ADAM22: variants seen among roughly 807,000 people sequenced by gnomAD.
ADAM22 encodes ADAM metallopeptidase domain 22, also known as disintegrin and metalloproteinase domain-containing protein 22.
ADAM22 carries 65 observed loss-of-function variants against 144.6 expected under a neutral mutation model. The ratio of observed to expected loss-of-function variants is 0.45; its 90% CI spans 0.37 to 0.55. The LOEUF (loss-of-function observed/expected upper bound fraction) is 0.55. ADAM22 is among the 20% of genes least tolerant of loss of function. The probability of loss-of-function intolerance (pLI) is 0.00; values close to 1 mark genes in which losing one functional copy is unlikely to be tolerated. For missense variants in ADAM22, 974 were observed against 1,184.9 expected (o/e 0.82, Z 2.61); for synonymous variants, 391 against 412.6 (o/e 0.95, Z 0.63).
intron 23 of ADAM22, among the ~76,000 whole-genome samples, chr7:88,164,691 CGAA>C (rs1423674363): frequency 1.3e-5 from 2 of 151,804 alleles, no homozygotes; most frequent in Non-Finnish European, 2.9e-5. Context: ...AAGAATTGTG[CGAA>C]GAAGGAGTTA....
At chr7:88,186,549 G>A in intron 29 of ADAM22, 66 bp from the exon 30 acceptor site, 1 of 1,036,352 alleles carries the variant, frequency 9.6e-7, no homozygotes, top group Non-Finnish European at 1.5e-6. Context: ...TGCTAAGCTT[G>A]TGCTGTGTAT....
intron 11 of ADAM22, 26 bp downstream of exon 11, chr7:88,131,461 T>C (rs753827286): frequency 6.2e-6 from 10 of 1,606,838 alleles, no homozygotes; most frequent in Admixed American, 1.7e-5. Context: ...AATGATGTAT[T>C]ACTTTTTTTG....
chr7:88,168,391 T>G (rs542326826), intron 25 of ADAM22, 164 bp downstream of exon 25: 1 of 708,734 alleles, frequency 1.4e-6, no homozygotes, highest in Admixed American at 1.9e-5. Flanking sequence ...TGGCGAGAAG[T>G]GATAATAACA....
intron 3 of ADAM22, among the ~76,000 whole-genome samples, chr7:88,072,777 T>C (rs1455122252): frequency 1.3e-5 from 2 of 152,204 alleles, no homozygotes; most frequent in Admixed American, 6.5e-5. Flanking sequence ...TGTATGATGA[T>C]GTTTCTCTCC....
At chr7:88,126,198 G>A (rs958192293) in intron 8 of ADAM22, among the ~76,000 whole-genome samples, 4 of 152,050 alleles carry the variant, frequency 2.6e-5, no homozygotes, top group African/African-American at 9.6e-5. Context: ...AAATGAAGTC[G>A]GTACTATTAT....
At chr7:88,134,250 T>C in intron 12 of ADAM22, 79 bp from the exon 13 acceptor site, 2 of 1,075,028 alleles carry the variant, frequency 1.9e-6, no homozygotes, top group Admixed American at 4.7e-5. Flanking sequence ...TTTTCAGCGA[T>C]ATTGTGACAT....
chr7:88,150,332 T>G (rs1423582211), intron 18 of ADAM22, among the ~76,000 whole-genome samples: 1 of 152,232 alleles, frequency 6.6e-6, no homozygotes, highest in Non-Finnish European at 1.5e-5. Flanking sequence ...TGGCACATGA[T>G]ATCATCAGAA....
intron 17 of ADAM22, among the ~76,000 whole-genome samples, chr7:88,148,100 A>ACATG (rs1245794259): frequency 6.6e-6 from 1 of 152,186 alleles, no homozygotes; most frequent in Non-Finnish European, 1.5e-5. Flanking sequence ...TGTTCTAGGA[A>ACATG]CAGCAGGAGA....
At position 88,108,269 on chromosome 7, in the gene ADAM22, A is replaced by C; in HGVS notation, c.473+11A>C. The C allele has an allele frequency of 6.2e-7, 1 of 1,609,746 alleles. No homozygotes were observed. Among genetic ancestry groups the C allele is most frequent in the African/African-American group, 1.3e-5 (1 of 74,792 alleles). On this transcript the variant is annotated intron_variant, in intron 5 of 31. Transcript: ENST00000413139. Reference sequence around the variant, plus strand: ...ATGCCACGGACTTCAGTAAGTGTTCAAAAAGTTATTTTTACTGTTTGTTTT... The same window carrying C: ...ATGCCACGGACTTCAGTAAGTGTTCCAAAAGTTATTTTTACTGTTTGTTTT...
chr7:88,192,090 C>T (rs527340037), intron 30 of ADAM22, among the ~76,000 whole-genome samples: 20 of 152,294 alleles, frequency 1.3e-4, no homozygotes, highest in African/African-American at 3.8e-4. Flanking sequence ...GTGCTACCCC[C>T]GCCCCTCCCA....
intron 4 of ADAM22, among the ~76,000 whole-genome samples, chr7:88,099,611 A>C (rs1464539873): frequency 2.6e-5 from 4 of 152,190 alleles, no homozygotes; most frequent in Non-Finnish European, 4.4e-5. Flanking sequence ...TATTATAGTG[A>C]AATATTACTG....
At chr7:88,090,448 AT>A (rs1819566746) in intron 4 of ADAM22, among the ~76,000 whole-genome samples, 1 of 152,154 alleles carries the variant, frequency 6.6e-6, no homozygotes, top group Non-Finnish European at 1.5e-5. Flanking sequence ...GCAAAAATTT[AT>A]TTTCAAGACC....
intron 25 of ADAM22, 82 bp downstream of exon 25, chr7:88,168,309 G>A: frequency 7.3e-7 from 1 of 1,364,520 alleles, no homozygotes; most frequent in Non-Finnish European, 1.0e-6. Context: ...AGAAAGTTTT[G>A]TATCATTGGT....
At chr7:87,998,685 T>A (rs958847245) in intron 3 of ADAM22, among the ~76,000 whole-genome samples, 1 of 152,130 alleles carries the variant, frequency 6.6e-6, no homozygotes, top group Non-Finnish European at 1.5e-5. Context: ...CACCACGCCC[T>A]GCCGAGAGTC....
intron 3 of ADAM22, among the ~76,000 whole-genome samples, chr7:87,989,480 GC>G (rs1157154443): frequency 6.6e-6 from 1 of 152,150 alleles, no homozygotes; most frequent in Non-Finnish European, 1.5e-5. Context: ...GCGCACTACA[GC>G]CTTGAACTCT....
Position 88,082,139 on chromosome 7 carries a change from A to G in ADAM22, c.390+6447A>G, listed in dbSNP as rs1292147526. 7.2e-5 allele frequency among the ~76,000 whole-genome samples: 11 copies of G among 152,288 alleles called. No homozygotes were observed. In the East Asian group the frequency reaches 2.1e-3, roughly 29 times the overall value. On this transcript the variant is annotated intron_variant, in intron 4 of 31. Coordinates refer to ENST00000413139, the MANE Select transcript of ADAM22 (RefSeq NM_001324418.2). ...GTATGGTACTGGTACCAAAACAGAC[A>G]TATAGACCAATGGAACAGAACAGAG...
chr7:88,174,823 T>A (rs1263347199), intron 26 of ADAM22, among the ~76,000 whole-genome samples: 5 of 152,122 alleles, frequency 3.3e-5, no homozygotes, highest in Admixed American at 2.0e-4. Flanking sequence ...CTCTCACCTG[T>A]TTTAGCCACT....
At chr7:88,012,608 A>C (rs1007281441) in intron 3 of ADAM22, among the ~76,000 whole-genome samples, 3 of 152,078 alleles carry the variant, frequency 2.0e-5, no homozygotes, top group African/African-American at 7.2e-5. Flanking sequence ...TTCTTCTTAG[A>C]GTCTACACCT....
intron 4 of ADAM22, among the ~76,000 whole-genome samples, chr7:88,101,720 T>C (rs1301010103): frequency 6.6e-6 from 1 of 152,190 alleles, no homozygotes; most frequent in Non-Finnish European, 1.5e-5. Flanking sequence ...TACTACATTC[T>C]GTATCAGGAA....
Sources: gnomAD v4.1 joint callset for allele counts (sites outside exome capture counted in the v4.1 genomes callset) on GRCh38, gnomAD v4.1.1 for gene constraint, MANE v1.5 for transcripts, NCBI Gene and HGNC (gene_info 2026-07-23, HGNC 2026-07-21) for gene names.